Variants in NBPF11 observed in about 807,000 individuals in gnomAD.
NBPF11 encodes NBPF family member NBPF11.
A neutral mutation model predicts 93.9 loss-of-function variants in NBPF11; 72 were observed. That is an observed-to-expected ratio of 0.77 (90% confidence interval 0.63 to 0.93). NBPF11 has a LOEUF of 0.93. NBPF11 is among the 40% of genes least tolerant of loss of function. The pLI is 0.00. For missense variants in NBPF11, 705 were observed against 802.2 expected (o/e 0.88, Z 1.46); for synonymous variants, 224 against 304.9 (o/e 0.73, Z 2.76).
intron 12 of NBPF11, among the ~76,000 whole-genome samples, chr1:148,117,200 T>A (rs1666776762): frequency 6.6e-6 from 1 of 151,408 alleles, no homozygotes; most frequent in African/African-American, 2.4e-5. Flanking sequence ...AGTCATTCAC[T>A]CACCGACAGT....
intron 5 of NBPF11, among the ~76,000 whole-genome samples, chr1:148,125,840 C>A (rs1368481921): frequency 6.6e-6 from 1 of 151,888 alleles, no homozygotes; most frequent in African/African-American, 2.4e-5. Context: ...GCCCAGGAGA[C>A]AGGCTGAGGG....
chr1:148,121,109 A>G (rs1332500188), intron 9 of NBPF11, among the ~76,000 whole-genome samples: 1 of 151,606 alleles, frequency 6.6e-6, no homozygotes, highest in Non-Finnish European at 1.5e-5. Flanking sequence ...CAGAGGCACA[A>G]TCTCAGCTCA....
Position 148,126,704 on chromosome 1 carries a change from C to G in NBPF11, c.175+125G>C, listed in dbSNP as rs1443775830. ...TGGTACCTCTGTCTTCCAACTTTAA[C>G]AAAATGTTAAAATACCCATTTCTGT... On this transcript the variant is annotated intron_variant, in intron 5 of 23. Coordinates refer to ENST00000682118, the MANE Select transcript of NBPF11 (RefSeq NM_001385469.3). 5.3e-4 allele frequency: 345 copies of G among 648,182 alleles called. 2 individuals carry two copies. The highest frequency in any genetic ancestry group is 4.4e-3 in the South Asian group (243 of 55,660). 40.2% of individuals were successfully genotyped at this position (648,182 alleles called of 1,614,324 possible).
At chr1:148,141,871 A>G (rs1388730963) in intron 2 of NBPF11, among the ~76,000 whole-genome samples, 5 of 151,992 alleles carry the variant, frequency 3.3e-5, no homozygotes, top group African/African-American at 7.3e-5. Flanking sequence ...AGCTCCAGAG[A>G]TTTTGATAAG....
chr1:148,140,787 C>T (rs1244153637), intron 2 of NBPF11, among the ~76,000 whole-genome samples: 16 of 151,706 alleles, frequency 1.1e-4, no homozygotes, highest in Non-Finnish European at 1.9e-4. Context: ...CCAGAACTCT[C>T]CATAGCTAGT....
chr1:148,106,193 G>A lies in NBPF11; in HGVS notation c.2291C>T (p.Pro764Leu), dbSNP rs1227730050. 5 of 943,352 alleles carry A rather than the reference G, an allele frequency of 5.3e-6. No homozygotes were observed. The highest frequency in any genetic ancestry group is 5.1e-5 in the South Asian group (4 of 77,686). The allele number at this position is 943,352 out of a possible 1,614,324, so 58.4% of individuals were successfully genotyped here. A position where few individuals can be genotyped will look rare whatever the true frequency, so the allele number is the denominator to read the frequency against. Residue 764 changes from proline (P) to leucine (L), a missense_variant, in exon 21 of 24, where the codon CCA becomes CTA. This residue lies in a region of NBPF11 where 109 missense variants were observed against 83.3 expected (regional missense o/e 1.31). Coordinates refer to ENST00000682118, the MANE Select transcript of NBPF11 (RefSeq NM_001385469.3). ...ATTGCTCAGTTACCTGGGGCACGGT[G>A]GGCCTTGGTCTTCTTCCTCTTCTTG... is the stretch of plus-strand genomic sequence containing the variant. ...KDQEEEEDQG[P>L]PCPRLSRELL... is the part of the protein sequence containing the mutation.
Position 148,110,199 on chromosome 1 carries a change from C to T in NBPF11, c.1801+179G>A, listed in dbSNP as rs1365512437. Among the ~76,000 whole-genome samples, 13 of 151,812 alleles carry T rather than the reference C, an allele frequency of 8.6e-5. 1 individual carries two copies. The highest frequency in any genetic ancestry group is 1.3e-4 in the Admixed American group (2 of 15,252). Reference sequence around the variant, plus strand: ...CTAGGAAGAGAGCAAAGCTCACTGACCCACCCCATGCCTGTGCTTCAGACT... The same window carrying T: ...CTAGGAAGAGAGCAAAGCTCACTGATCCACCCCATGCCTGTGCTTCAGACT... On this transcript the variant is annotated intron_variant, in intron 16 of 23. Transcript: ENST00000682118.
intron 6 of NBPF11, among the ~76,000 whole-genome samples, 153 bp from the exon 7 acceptor site, chr1:148,124,220 G>A (rs1239961402): frequency 2.0e-5 from 3 of 151,844 alleles, no homozygotes; most frequent in Non-Finnish European, 2.9e-5. Context: ...CCAAGAGAAA[G>A]AACAGAAAAT....
intron 1 of NBPF11, chr1:148,146,252 GGCT>G (rs1673009399): frequency 4.4e-6 from 5 of 1,139,762 alleles, no homozygotes; most frequent in East Asian, 7.1e-5. Flanking sequence ...CTCCTAACGG[GGCT>G]GCTGTCTGGG....
intron 15 of NBPF11, among the ~76,000 whole-genome samples, chr1:148,112,999 C>G (rs1370349034): frequency 6.6e-6 from 1 of 151,944 alleles, no homozygotes; most frequent in African/African-American, 2.4e-5. Context: ...CAACCGGTAC[C>G]AGCCACTGCA....
chr1:148,146,557 A>C lies in NBPF11; in HGVS notation c.-548-2871T>G, dbSNP rs1450899207. On this transcript the variant is annotated intron_variant, in intron 1 of 23. Transcript: ENST00000682118. The stretch of plus-strand genomic sequence containing the variant: ...TGGGGCCGGGGCCGCCCCCTTGGGG[A>C]CCCTGAGAGCCTCCTCGGGCGCACC... 5.9e-4 allele frequency: 954 copies of C among 1,605,182 alleles called. 25 individuals are homozygous for C. In the African/African-American group the frequency reaches 0.011, roughly 19 times the overall value.
rs1553271785 is a variant in NBPF11 at position 148,122,315 on chromosome 1, A to T, written c.567-49T>A. 8.1e-6 allele frequency: 13 copies of T among 1,610,294 alleles called. No homozygotes were observed. The South Asian group carries it at 1.4e-4, about 18-fold the overall frequency. The stretch of plus-strand genomic sequence containing the variant: ...ATGACAGAAGATTAAACACAGAGGG[A>T]TTGGACCCCAAGGAGTCCTAGCTGG... On this transcript the variant is annotated intron_variant, in intron 8 of 23. Coordinates refer to ENST00000682118, the MANE Select transcript of NBPF11 (RefSeq NM_001385469.3).
chr1:148,104,140 C>CAGAGAT (rs1196673908), intron 23 of NBPF11, among the ~76,000 whole-genome samples: 1 of 129,572 alleles, frequency 7.7e-6, no homozygotes, highest in Non-Finnish European at 1.7e-5. Context: ...GAGACAGAGA[C>CAGAGAT]AGAGACAGAG....
rs1249937131 is a variant in NBPF11 at position 148,134,844 on chromosome 1, C to T, written c.-36+828G>A. On this transcript the variant is annotated intron_variant, in intron 4 of 23. Coordinates refer to ENST00000682118, the MANE Select transcript of NBPF11 (RefSeq NM_001385469.3). ...TGCTCACAGACAACCACAGACCACA[C>T]GGCCCTAGAGTCAGGGGCAGCACCA... 8.2e-4 allele frequency among the ~76,000 whole-genome samples: 124 copies of T among 152,026 alleles called. 3 individuals are homozygous for T. Among genetic ancestry groups the T allele is most frequent in the African/African-American group, 2.3e-3 (95 of 41,284 alleles).
At chr1:148,107,920 T>G (rs1302306007) in intron 18 of NBPF11, among the ~76,000 whole-genome samples, 158 bp from the exon 19 acceptor site, 1 of 151,898 alleles carries the variant, frequency 6.6e-6, no homozygotes, top group Admixed American at 6.6e-5. Flanking sequence ...CTGATCATGA[T>G]AGAGATTCCT....
intron 1 of NBPF11, among the ~76,000 whole-genome samples, chr1:148,145,858 C>T (rs1672912394): frequency 1.3e-5 from 2 of 150,990 alleles, no homozygotes; most frequent in Non-Finnish European, 2.9e-5. Flanking sequence ...CCAGCCTGGG[C>T]AACAGAGTGA....
In NBPF11 at chr1:148,151,908, C is replaced by T. The variant is rs1474579492; in HGVS notation, c.-707G>A. On this transcript the variant is annotated 5_prime_UTR_variant, in exon 1 of 24. Transcript: ENST00000682118. ...CAGAAGCTCAGGCAGCCTCGCGACCCTCACCTACCCCTCCCAGCACCGCCG... is the reference window on the plus strand; with the variant it reads ...CAGAAGCTCAGGCAGCCTCGCGACCTTCACCTACCCCTCCCAGCACCGCCG... 4 of 153,098 alleles carry T rather than the reference C, an allele frequency of 2.6e-5. No homozygotes were observed. The highest frequency in any genetic ancestry group is 1.9e-4 in the East Asian group (1 of 5,196). 9.5% of individuals were successfully genotyped at this position (153,098 alleles called of 1,614,324 possible). A position where few individuals can be genotyped will look rare whatever the true frequency, so the allele number is the denominator to read the frequency against.
chr1:148,136,953 A>T (rs2149279316), intron 3 of NBPF11, among the ~76,000 whole-genome samples: 1 of 151,986 alleles, frequency 6.6e-6, no homozygotes, highest in East Asian at 1.9e-4. Flanking sequence ...CTTTAATGAC[A>T]TGAAATCTGG....
At chr1:148,108,890 C>CAG (rs1553268001) in intron 17 of NBPF11, among the ~76,000 whole-genome samples, 20 of 139,502 alleles carry the variant, frequency 1.4e-4, no homozygotes, top group African/African-American at 5.5e-4. Context: ...CACACACACA[C>CAG]AGTGTGAGCT....
Sources: allele counts gnomAD v4.1 joint callset (sites outside exome capture counted in the v4.1 genomes callset), GRCh38; gene constraint gnomAD v4.1.1; regional missense constraint gnomAD v4.1.1; transcripts MANE v1.5; gene names NCBI Gene and HGNC (gene_info 2026-07-23, HGNC 2026-07-21).